Variants in SI observed in about 807,000 individuals in gnomAD.
SI encodes the protein sucrase-isomaltase, also known as sucrase-isomaltase, intestinal.
Under a neutral mutation model 253.3 loss-of-function variants are expected in SI, and 235 were observed. The ratio of observed to expected loss-of-function variants is 0.93; its 90% CI spans 0.83 to 1.03. SI has a LOEUF of 1.03. Among genes scored for constraint, SI ranks in the 50% least tolerant of loss-of-function variants. The probability of loss-of-function intolerance (pLI) is 0.00; values close to 1 mark genes in which losing one functional copy is unlikely to be tolerated. For missense variants in SI, 2,442 were observed against 2,211.1 expected (o/e 1.10, Z -2.09); for synonymous variants, 819 against 712.0 (o/e 1.15, Z -2.39).
At position 165,032,627 on chromosome 3, in the gene SI, A is replaced by G. The variant is rs769278732; in HGVS notation, c.2631T>C (p.Thr877=). ...TGTCTGTCAACCCAAGGATTTTTAC[A>G]GTCTGAAATGCTAAGGTAGTTCCTT... ...YQEGTTLAFQ[T]VKILGLTDSV... Residue 877 remains threonine, a synonymous_variant, in exon 24 of 48, where the codon ACT becomes ACC. Transcript: ENST00000264382. 5 of 1,608,592 alleles carry G rather than the reference A, an allele frequency of 3.1e-6. No individual in the cohort carries two copies. Among genetic ancestry groups the G allele is most frequent in the Non-Finnish European group, 4.3e-6 (5 of 1,176,270 alleles).
intron 44 of SI, among the ~76,000 whole-genome samples, chr3:164,989,441 GAA>G (rs1491308090): frequency 1.2e-4 from 17 of 147,806 alleles, no homozygotes; most frequent in Non-Finnish European, 2.0e-4. Context: ...AGAAAGGAAA[GAA>G]AGAAGAGAGG....
intron 2 of SI, 112 bp from the exon 3 acceptor site, chr3:165,074,779 A>C (rs1189404116): frequency 2.2e-6 from 2 of 895,930 alleles, no homozygotes; most frequent in Non-Finnish European, 1.7e-6. Flanking sequence ...ATAAAATGAA[A>C]ATTTTAAAAT....
chr3:165,045,875 G>C (rs1713081618), intron 16 of SI, among the ~76,000 whole-genome samples: 1 of 135,092 alleles, frequency 7.4e-6, no homozygotes. Context: ...TTTTGAGATA[G>C]GGTCTCAAAA....
intron 9 of SI, among the ~76,000 whole-genome samples, chr3:165,061,117 G>C (rs1050009278): frequency 2.0e-5 from 3 of 151,618 alleles, no homozygotes; most frequent in African/African-American, 7.3e-5. Context: ...ACATGTGATT[G>C]AAATTTCTTC....
At chr3:165,035,478 A>G (rs1024429618) in intron 22 of SI, among the ~76,000 whole-genome samples, 2 of 151,718 alleles carry the variant, frequency 1.3e-5, no homozygotes, top group Admixed American at 6.6e-5. Flanking sequence ...AAGTCTTAGG[A>G]GAGAATTATA....
At chr3:164,982,508 A>G (rs1057122300) in intron 46 of SI, 98 bp from the exon 47 acceptor site, 17 of 851,376 alleles carry the variant, frequency 2.0e-5, no homozygotes, top group Middle Eastern at 2.2e-4. Context: ...ATTTCGTAGT[A>G]TAATAAATTG....
At chr3:165,078,253 A>G (rs1232899979) in intron 1 of SI, among the ~76,000 whole-genome samples, 180 bp downstream of exon 1, 1 of 151,602 alleles carries the variant, frequency 6.6e-6, no homozygotes, top group African/African-American at 2.4e-5. Flanking sequence ...AAAAAAAATT[A>G]GAAATATTTT....
At chr3:165,061,334 A>G (rs1576916854) in intron 9 of SI, among the ~76,000 whole-genome samples, 1 of 152,116 alleles carries the variant, frequency 6.6e-6, no homozygotes, top group East Asian at 1.9e-4. Context: ...TCATGTGATA[A>G]TCACACACAA....
chr3:164,989,682 A>T (rs2108122712), intron 44 of SI, among the ~76,000 whole-genome samples: 1 of 152,300 alleles, frequency 6.6e-6, no homozygotes. Context: ...TGGAAAGGAA[A>T]GAGACACCTC....
intron 41 of SI, among the ~76,000 whole-genome samples, chr3:164,993,058 G>A (rs1368381715): frequency 1.3e-5 from 2 of 151,520 alleles, no homozygotes; most frequent in African/African-American, 4.8e-5. Context: ...TTGTGGTTTT[G>A]TTTTGCCTTA....
At chr3:165,018,256 C>T (rs1339352338) in intron 28 of SI, among the ~76,000 whole-genome samples, 190 bp from the exon 29 acceptor site, 1 of 150,952 alleles carries the variant, frequency 6.6e-6, no homozygotes, top group Non-Finnish European at 1.5e-5. Flanking sequence ...TTTCTGCTTT[C>T]GTGCAGTTTA....
Position 165,033,464 on chromosome 3 carries a change from G to T in SI, c.2516-20C>A, listed in dbSNP as rs1712356485. 6 of 1,525,460 alleles carry T rather than the reference G, an allele frequency of 3.9e-6. No homozygotes were observed. The highest frequency in any genetic ancestry group is 1.3e-5 in the South Asian group (1 of 76,504). 94.5% of individuals were successfully genotyped at this position (1,525,460 alleles called of 1,614,324 possible). A position where few individuals can be genotyped will look rare whatever the true frequency, so the allele number is the denominator to read the frequency against. ...TTGTATCTGAAATGAAAAATATCGT[G>T]ATCAGTACAAAATGCAATGTTAAAT... On this transcript the variant is annotated intron_variant, in intron 22 of 47. Transcript: ENST00000264382.
At chr3:165,022,079 A>G (rs1711652133) in intron 26 of SI, among the ~76,000 whole-genome samples, 1 of 151,538 alleles carries the variant, frequency 6.6e-6, no homozygotes, top group Non-Finnish European at 1.5e-5. Flanking sequence ...TAATGAGTGT[A>G]ATTATGTTGA....
chr3:165,069,117 G>T lies in SI; in HGVS notation c.334C>A (p.His112Asn), dbSNP rs774376687. Residue 112 changes from histidine (H) to asparagine (N), a missense_variant, in exon 4 of 48, where the codon CAT (histidine) becomes AAT (asparagine). Coordinates refer to ENST00000264382, the MANE Select transcript of SI (RefSeq NM_001041.4). ...GTCATGTCTTGAACGTTATAACCAT[G>T]ATTATCAACGAAGAAGCACCAAGGA... ...LIPWCFFVDN[H>N]GYNVQDMTTT... is the part of the protein sequence containing the mutation. The T allele has an allele frequency of 3.1e-6, 5 of 1,612,778 alleles. No homozygotes were observed. In the African/African-American group the frequency reaches 4.0e-5, roughly 13 times the overall value.
intron 22 of SI, among the ~76,000 whole-genome samples, chr3:165,035,094 G>A (rs959192099): frequency 1.3e-5 from 2 of 151,922 alleles, no homozygotes; most frequent in African/African-American, 4.8e-5. Context: ...AAGGGAACAC[G>A]ATAGATGGAG....
chr3:165,002,534 TAA>T (rs1007492337), intron 37 of SI, among the ~76,000 whole-genome samples: 25 of 151,756 alleles, frequency 1.6e-4, no homozygotes, highest in African/African-American at 5.1e-4. Context: ...AGACAGAAAA[TAA>T]GTCACTAAAA....
chr3:165,039,996 G>A (rs759457188), intron 18 of SI, 25 bp from the exon 19 acceptor site: 1 of 1,548,738 alleles, frequency 6.5e-7, no homozygotes, highest in Admixed American at 1.7e-5. Flanking sequence ...AATGTTTAAA[G>A]TATAATAATG....
In SI at chr3:164,982,997, C is replaced by T. The variant is rs758942558; in HGVS notation, c.5247+5G>A. 1.2e-5 allele frequency: 19 copies of T among 1,553,248 alleles called. No homozygotes were observed. The highest frequency in any genetic ancestry group is 1.7e-5 in the Admixed American group (1 of 57,950). On this transcript the variant is annotated splice_donor_5th_base_variant and intron_variant, in intron 46 of 47. Coordinates refer to ENST00000264382, the MANE Select transcript of SI (RefSeq NM_001041.4). ...ACAGAATTGCATATAAATAATCTTA[C>T]ATACCTGGTTTAAATTAAATTGTAC...
intron 12 of SI, among the ~76,000 whole-genome samples, chr3:165,056,315 T>C (rs1462057477): frequency 6.6e-6 from 1 of 152,106 alleles, no homozygotes; most frequent in Non-Finnish European, 1.5e-5. Flanking sequence ...ATGAATGTGA[T>C]AAGAATGAAG....
Sources: gnomAD v4.1 joint callset for allele counts (sites outside exome capture counted in the v4.1 genomes callset) on GRCh38, gnomAD v4.1.1 for gene constraint, MANE v1.5 for transcripts, NCBI Gene and HGNC (gene_info 2026-07-23, HGNC 2026-07-21) for gene names.